Variants in VAV2 observed in about 807,000 individuals in gnomAD.
VAV2 encodes vav guanine nucleotide exchange factor 2.
VAV2 carries 67 observed loss-of-function variants against 132.5 expected under a neutral mutation model. The observed-to-expected ratio is 0.51, with a 90% CI of 0.42 to 0.62. The LOEUF (loss-of-function observed/expected upper bound fraction) is 0.62. Among genes scored for constraint, VAV2 ranks in the 20% least tolerant of loss-of-function variants. The pLI is 0.00. For synonymous variants in VAV2, 492 were observed against 443.5 expected (o/e 1.11, Z -1.37); for missense variants, 938 against 1,153.6 (o/e 0.81, Z 2.71).
At position 133,824,813 on chromosome 9, in the gene VAV2, G is replaced by C. The variant is rs1588228629; in HGVS notation, c.449+9459C>G. On this transcript the variant is annotated intron_variant, in intron 4 of 29. Transcript: ENST00000371850. This position sits in a 1 kb window ranked among gnomAD's most constrained non-coding sequence, Gnocchi z 5.2. ...AATTGCAGCTCTGCCCCCTAGTTCT[G>C]TACGACTCTGACCAGGTGCCTTCCT... Among the ~76,000 whole-genome samples, 1 of 152,194 alleles carries C rather than the reference G, an allele frequency of 6.6e-6. No homozygotes were observed. Among genetic ancestry groups the C allele is most frequent in the Admixed American group, 6.5e-5 (1 of 15,286 alleles).
chr9:133,793,796 G>A (rs999790779), intron 12 of VAV2, among the ~76,000 whole-genome samples: 21 of 152,310 alleles, frequency 1.4e-4, no homozygotes, highest in South Asian at 4.1e-4. Context: ...CACGGGGGCT[G>A]ATTCTCAAAG....
At chr9:133,924,214 G>A (rs542960927) in intron 2 of VAV2, among the ~76,000 whole-genome samples, 55 of 152,160 alleles carry the variant, frequency 3.6e-4, no homozygotes, top group South Asian at 1.7e-3. Context: ...AGACAGTCTC[G>A]CTCTGTTGCC....
chr9:133,863,180 G>A lies in VAV2; in HGVS notation c.322-1748C>T, dbSNP rs77253385. 0.011 allele frequency among the ~76,000 whole-genome samples: 1,668 copies of A among 152,312 alleles called. 20 individuals carry two copies. Among genetic ancestry groups the A allele is most frequent in the African/African-American group, 0.024 (1,011 of 41,560 alleles). ...AAAAATGAAAGCAATATTGCTGTAC[G>A]TCCTTACAGTTATTTGGAAGAATGT... On this transcript the variant is annotated intron_variant, in intron 2 of 29. Transcript: ENST00000371850. The surrounding 1 kb of genome is among the most constrained non-coding windows in gnomAD (Gnocchi z 5.0).
intron 2 of VAV2, among the ~76,000 whole-genome samples, chr9:133,862,849 A>G (rs563305308): frequency 1.3e-3 from 193 of 152,372 alleles, no homozygotes; most frequent in African/African-American, 4.4e-3. Flanking sequence ...CGCTTCCAGC[A>G]GCAATTTTCA....
rs752366205 is a variant in VAV2, at chr9:133,811,835, G to A, written c.552+279C>T. 4.9e-4 allele frequency among the ~76,000 whole-genome samples: 74 copies of A among 152,220 alleles called. 1 individual carries two copies. The highest frequency in any genetic ancestry group is 6.0e-4 in the Non-Finnish European group (41 of 68,040). ...GGCAACACGGGCGGGGGTCATGACC[G>A]TGGTGGTGTCATCTCTGGGCACCTG... On this transcript the variant is annotated intron_variant, in intron 5 of 29. Transcript: ENST00000371850.
intron 29 of VAV2, among the ~76,000 whole-genome samples, 171 bp from the exon 30 acceptor site, chr9:133,764,280 A>G (rs1404670007): frequency 6.6e-6 from 1 of 152,068 alleles, no homozygotes; most frequent in Non-Finnish European, 1.5e-5. Flanking sequence ...AGTAAGAGCA[A>G]CCCAGAAAAA....
At position 133,928,191 on chromosome 9, in the gene VAV2, GTGCA is replaced by G. The variant is rs1840548934; in HGVS notation, c.321+10908_321+10911del. 3.7e-4 allele frequency among the ~76,000 whole-genome samples: 2 copies of G among 5,360 alleles called. No homozygotes were observed. Among genetic ancestry groups the G allele is most frequent in the Non-Finnish European group, 0.011 (2 of 182 alleles). 3.5% of individuals were successfully genotyped at this position (5,360 alleles called of 152,430 possible). ...ACTCCGTGTGTGTGTGTGTGTGTGC[GTGCA>G]TGTGTGTATGTCTGTGTGTGTGCGT... On this transcript the variant is annotated intron_variant, in intron 2 of 29. Transcript: ENST00000371850. The surrounding 1 kb of genome is among the most constrained non-coding windows in gnomAD (Gnocchi z 5.4).
At chr9:133,927,698 C>T (rs1328292875) in intron 2 of VAV2, 1 of 152,426 alleles carries the variant, frequency 6.6e-6, no homozygotes, top group African/African-American at 2.4e-5. Context: ...TCCTTCACCC[C>T]TCAGCCTTCT....
At chr9:133,878,644 A>T (rs1388343172) in intron 2 of VAV2, among the ~76,000 whole-genome samples, 1 of 152,158 alleles carries the variant, frequency 6.6e-6, no homozygotes, top group Admixed American at 6.5e-5. Context: ...AACCTTTGAG[A>T]GGCCATCCCT....
Position 133,813,371 on chromosome 9 carries a change from G to A in VAV2, c.450-1155C>T, listed in dbSNP as rs778690884. Among the ~76,000 whole-genome samples the A allele has an allele frequency of 1.0e-3, 158 of 152,356 alleles. 1 individual carries two copies. The highest frequency in any genetic ancestry group is 2.1e-3 in the Non-Finnish European group (142 of 68,040). ...AGCAATCCCTGCGGTACTCAGGAAC[G>A]GGTTCCCCAGCCACGCTGTGTGCCA... is the stretch of plus-strand genomic sequence containing the variant. On this transcript the variant is annotated intron_variant, in intron 4 of 29. Transcript: ENST00000371850.
At chr9:133,949,478 C>T (rs1841483092) in intron 1 of VAV2, among the ~76,000 whole-genome samples, 1 of 152,208 alleles carries the variant, frequency 6.6e-6, no homozygotes, top group Non-Finnish European at 1.5e-5. Context: ...AACACTGTTC[C>T]CTATCCCCAC....
Position 133,812,023 on chromosome 9 carries a change from A to G in VAV2, c.552+91T>C, listed in dbSNP as rs1423886892. 4 of 1,353,178 alleles carry G rather than the reference A, an allele frequency of 3.0e-6. No homozygotes were observed. In the African/African-American group the frequency reaches 4.3e-5, roughly 15 times the overall value. The allele number at this position is 1,353,178 out of a possible 1,614,324, so 83.8% of individuals were successfully genotyped here. On this transcript the variant is annotated intron_variant, in intron 5 of 29. Transcript: ENST00000371850. ...GCAGCTCCCCTTCGGTGGCTCAGAC[A>G]TGGGGACAGCTCGGTATTGTGTTAA...
chr9:133,891,821 G>C, intron 2 of VAV2, among the ~76,000 whole-genome samples: 1 of 50,640 alleles, frequency 2.0e-5, no homozygotes, highest in African/African-American at 9.5e-5. Flanking sequence ...GGGATGGAGG[G>C]GGATGGAGGG....
chr9:133,784,599 G>A (rs1834144799), intron 17 of VAV2, among the ~76,000 whole-genome samples, 181 bp from the exon 18 acceptor site: 1 of 152,236 alleles, frequency 6.6e-6, no homozygotes, highest in African/African-American at 2.4e-5. Flanking sequence ...CTCCCTGCTC[G>A]TAGAAGGCAG....
At chr9:133,892,603 G>A (rs559445502) in intron 2 of VAV2, among the ~76,000 whole-genome samples, 16 of 152,214 alleles carry the variant, frequency 1.1e-4, no homozygotes, top group African/African-American at 2.6e-4. Flanking sequence ...CCGCCTGGCC[G>A]TCCCTCCTGG....
chr9:133,936,292 A>G (rs1381560248), intron 2 of VAV2, among the ~76,000 whole-genome samples: 1 of 150,512 alleles, frequency 6.6e-6, no homozygotes, highest in African/African-American at 2.5e-5. Context: ...ACTCAGGCTA[A>G]AGTGCAGTGG....
chr9:133,818,510 C>T (rs1322669703), intron 4 of VAV2, among the ~76,000 whole-genome samples: 2 of 152,138 alleles, frequency 1.3e-5, no homozygotes, highest in Non-Finnish European at 2.9e-5. Flanking sequence ...CATCCCACAC[C>T]AGGACTCAGG....
intron 2 of VAV2, among the ~76,000 whole-genome samples, chr9:133,898,702 A>C (rs2132002826): frequency 1.3e-5 from 2 of 152,246 alleles, no homozygotes; most frequent in East Asian, 3.9e-4. Flanking sequence ...TGCCCGGGGA[A>C]GCTTCCAGGC....
rs370548013 is a variant in VAV2, at chr9:133,857,605, C to T, written c.380+3769G>A. 2.6e-5 allele frequency among the ~76,000 whole-genome samples: 4 copies of T among 152,296 alleles called. No homozygotes were observed. Among genetic ancestry groups the T allele is most frequent in the African/African-American group, 9.6e-5 (4 of 41,558 alleles). Reference sequence around the variant, plus strand: ...AACCTTTTGCTAATCACTAACACTACAAAACGCTCGAAATGAAATAGTGTC... The same window carrying T: ...AACCTTTTGCTAATCACTAACACTATAAAACGCTCGAAATGAAATAGTGTC... On this transcript the variant is annotated intron_variant, in intron 3 of 29. Transcript: ENST00000371850. The surrounding 1 kb of genome is among the most constrained non-coding windows in gnomAD (Gnocchi z 4.0).
Sources: gnomAD v4.1 joint callset for allele counts (sites outside exome capture counted in the v4.1 genomes callset) on GRCh38, gnomAD v4.1.1 for gene constraint, Gnocchi (gnomAD v3.1) non-coding constraint, MANE v1.5 for transcripts, NCBI Gene and HGNC (gene_info 2026-07-23, HGNC 2026-07-21) for gene names.